Variants in BDH2 observed in about 807,000 individuals in gnomAD.
The protein encoded by BDH2 is 3-hydroxybutyrate dehydrogenase 2.
In BDH2, 24 loss-of-function variants were observed where a neutral mutation model predicts 33.2. The ratio of observed to expected loss-of-function variants is 0.72; its 90% CI spans 0.52 to 1.02. The LOEUF is 1.02. Ranked by LOEUF, BDH2 falls within the 50% of genes least tolerant of loss-of-function variation. The pLI is 0.00. For missense variants in BDH2, 249 were observed against 301.6 expected, an observed-to-expected ratio of 0.83 and a Z score of 1.29; for synonymous variants, 81 against 101.6, an observed-to-expected ratio of 0.80 and a Z score of 1.22.
chr4:103,087,176 T>C (rs554708456), intron 5 of BDH2, among the ~76,000 whole-genome samples: 4 of 152,238 alleles, frequency 2.6e-5, no homozygotes, highest in Admixed American at 2.6e-4. Flanking sequence ...GAGGAGTGGG[T>C]ACACAGGTAT....
In BDH2 at chr4:103,078,743, T is replaced by C. The variant is rs1267587753; in HGVS notation, c.*959A>G. Among the ~76,000 whole-genome samples, 3 of 151,530 alleles carry C rather than the reference T, an allele frequency of 2.0e-5. No individual in the cohort carries two copies. Among genetic ancestry groups the C allele is most frequent in the Non-Finnish European group, 4.4e-5 (3 of 68,030 alleles). ...AGAATTATATAAAAATATTTGAATA[T>C]TGAAAAATGAAGTGGAAATTATTAT... On this transcript the variant is annotated 3_prime_UTR_variant, in exon 10 of 10. Transcript: ENST00000296424.
chr4:103,096,232 A>G lies in BDH2; in HGVS notation c.23T>C (p.Val8Ala). 6.2e-7 allele frequency: 1 copy of G among 1,613,876 alleles called. No homozygotes were observed. Among genetic ancestry groups the G allele is most frequent in the Non-Finnish European group, 8.5e-7 (1 of 1,179,818 alleles). Residue 8 changes from valine to alanine, a missense_variant, in exon 2 of 10, where the codon GTC (valine) becomes GCC (alanine). Val to Ala is a moderately conservative substitution (Grantham distance 64). Coordinates refer to ENST00000296424, the MANE Select transcript of BDH2 (RefSeq NM_020139.4). ...CTGAGCAGCGGCCGTCAGGATGATG[A>G]CTTTCCCATCAAGTCGACCCATAAT... MGRLDGK[V>A]IILTAAAQGI...
At chr4:103,079,905 T>C in intron 9 of BDH2, 150 bp from the exon 10 acceptor site, 4 of 727,668 alleles carry the variant, frequency 5.5e-6, no homozygotes, top group Non-Finnish European at 9.3e-6. Context: ...GAAATCCAAA[T>C]TAACATTTGG....
At chr4:103,086,345 C>A (rs1747779657) in intron 6 of BDH2, 135 bp downstream of exon 6, 3 of 1,362,410 alleles carry the variant, frequency 2.2e-6, no homozygotes, top group African/African-American at 1.5e-5. Flanking sequence ...AACTTAATAC[C>A]AATTTTGAAA....
chr4:103,091,321 C>A, intron 4 of BDH2, 36 bp from the exon 5 acceptor site: 1 of 1,442,168 alleles, frequency 6.9e-7, no homozygotes, highest in South Asian at 1.2e-5. Flanking sequence ...GAATAACTGC[C>A]ATTAAAATTT....
Position 103,078,595 on chromosome 4 carries a change from C to T in BDH2, c.*1107G>A, listed in dbSNP as rs1465220861. Among the ~76,000 whole-genome samples, 1 of 152,094 alleles carries T rather than the reference C, an allele frequency of 6.6e-6. No individual in the cohort carries two copies. Among genetic ancestry groups the T allele is most frequent in the Non-Finnish European group, 1.5e-5 (1 of 68,014 alleles). ...TCATAACATAACAGGTCAACAATAT[C>T]GTTTTGAGGCTGAACTCCTTTACTC... On this transcript the variant is annotated 3_prime_UTR_variant, in exon 10 of 10. Transcript: ENST00000296424.
intron 1 of BDH2, among the ~76,000 whole-genome samples, chr4:103,097,275 T>C (rs187883378): frequency 9.8e-5 from 15 of 152,344 alleles, no homozygotes; most frequent in Non-Finnish European, 1.5e-5. Context: ...GATCCTCTTA[T>C]AAAGTTTAAG....
In BDH2 at chr4:103,079,185, T is replaced by C. The variant is rs1747393070; in HGVS notation, c.*517A>G. On this transcript the variant is annotated 3_prime_UTR_variant, in exon 10 of 10. Coordinates refer to ENST00000296424, the MANE Select transcript of BDH2 (RefSeq NM_020139.4). ...TAATCAGGTCATAAGGGTAGTGCCC[T>C]CATGAACAGGATTAGTGTCCTTATA... Among the ~76,000 whole-genome samples, 1 of 152,178 alleles carries C rather than the reference T, an allele frequency of 6.6e-6. No homozygotes were observed. Among genetic ancestry groups the C allele is most frequent in the Non-Finnish European group, 1.5e-5 (1 of 68,028 alleles).
chr4:103,084,319 T>C (rs565933162), intron 7 of BDH2, among the ~76,000 whole-genome samples: 1 of 152,216 alleles, frequency 6.6e-6, no homozygotes, highest in Non-Finnish European at 1.5e-5. Flanking sequence ...TGGGTTCAGC[T>C]GTGTCCATGG....
At chr4:103,095,356 T>C in intron 2 of BDH2, 75 bp from the exon 3 acceptor site, 1 of 1,106,280 alleles carries the variant, frequency 9.0e-7, no homozygotes, top group Non-Finnish European at 1.4e-6. Context: ...CATCATGTGG[T>C]CTTTTTCTCC....
intron 5 of BDH2, among the ~76,000 whole-genome samples, chr4:103,087,583 A>G (rs1747857123): frequency 6.6e-6 from 1 of 152,160 alleles, no homozygotes; most frequent in Non-Finnish European, 1.5e-5. Flanking sequence ...TTCCCCCACT[A>G]AAGTGTGAAT....
intron 5 of BDH2, among the ~76,000 whole-genome samples, chr4:103,089,540 A>C (rs2110707297): frequency 6.6e-6 from 1 of 152,302 alleles, no homozygotes; most frequent in African/African-American, 2.4e-5. Flanking sequence ...CAAACTCACT[A>C]GTTTGCAAGT....
chr4:103,091,304 A>G lies in BDH2; in HGVS notation c.249-19T>C, dbSNP rs1311758673. ...GACAAAACTAGAAGAGTGATTAAAC[A>G]ATGGAAGAATAACTGCCATTAAAAT... On this transcript the variant is annotated intron_variant, in intron 4 of 9. Coordinates refer to ENST00000296424, the MANE Select transcript of BDH2 (RefSeq NM_020139.4). 6.5e-7 allele frequency: 1 copy of G among 1,531,596 alleles called. No individual in the cohort carries two copies. Among genetic ancestry groups the G allele is most frequent in the East Asian group, 2.3e-5 (1 of 44,432 alleles). The allele number at this position is 1,531,596 out of a possible 1,614,324, so 94.9% of individuals were successfully genotyped here. A position where few individuals can be genotyped will look rare whatever the true frequency, so the allele number is the denominator to read the frequency against.
In BDH2 at chr4:103,082,166, T is replaced by G. The variant is rs1470085576; in HGVS notation, c.599A>C (p.Asn200Thr). The part of the protein sequence containing the change: ...QARGNPEEAR[N>T]DFLKRQKTGR... Reference sequence around the variant, plus strand: ...CGTCTTTTGTCTCTTCAGGAAATCATTCCGTGCCTGTGACCAGAGACCATA... The same window carrying G: ...CGTCTTTTGTCTCTTCAGGAAATCAGTCCGTGCCTGTGACCAGAGACCATA... The change falls in exon 9 of 10, where the codon AAT (asparagine) becomes ACT (threonine). Residue 200 changes from asparagine (N) to threonine (T), a missense_variant. Coordinates refer to ENST00000296424, the MANE Select transcript of BDH2 (RefSeq NM_020139.4). 5.0e-6 allele frequency: 8 copies of G among 1,613,746 alleles called. No homozygotes were observed. The highest frequency in any genetic ancestry group is 6.8e-6 in the Non-Finnish European group (8 of 1,179,746).
At chr4:103,093,905 G>T (rs952486904) in intron 3 of BDH2, among the ~76,000 whole-genome samples, 3 of 151,930 alleles carry the variant, frequency 2.0e-5, no homozygotes, top group Non-Finnish European at 2.9e-5. Flanking sequence ...CCCCAGTGCA[G>T]CAGCTTTACT....
chr4:103,096,901 G>A (rs951778319), intron 1 of BDH2, among the ~76,000 whole-genome samples: 6 of 152,072 alleles, frequency 3.9e-5, no homozygotes, highest in African/African-American at 1.4e-4. Flanking sequence ...ACAGCCTCTG[G>A]TGCTGAGTTT....
rs754564762 is a variant in BDH2 at position 103,092,742 on chromosome 4, TGAAG to T, written c.152-50_152-47del. 121 of 1,399,896 alleles carry T rather than the reference TGAAG, an allele frequency of 8.6e-5. No individual in the cohort carries two copies. In the Admixed American group the frequency reaches 2.1e-3, roughly 24 times the overall value. 86.7% of individuals were successfully genotyped at this position (1,399,896 alleles called of 1,614,324 possible). A position where few individuals can be genotyped will look rare whatever the true frequency, so the allele number is the denominator to read the frequency against. On this transcript the variant is annotated intron_variant, in intron 3 of 9. Transcript: ENST00000296424. Reference sequence around the variant, plus strand: ...CACTATTCCTAAAAATGTTTAGCCTTGAAGGTTTAGCTGTTTTGAAGTGTGAAGT... The same window carrying T: ...CACTATTCCTAAAAATGTTTAGCCTTGTTTAGCTGTTTTGAAGTGTGAAGT...
chr4:103,089,102 C>T (rs1747946240), intron 5 of BDH2, among the ~76,000 whole-genome samples: 1 of 152,176 alleles, frequency 6.6e-6, no homozygotes, highest in African/African-American at 2.4e-5. Context: ...TAAAAATTTC[C>T]TATGAGTGTT....
At chr4:103,090,113 T>C (rs1249159716) in intron 5 of BDH2, among the ~76,000 whole-genome samples, 1 of 152,192 alleles carries the variant, frequency 6.6e-6, no homozygotes, top group African/African-American at 2.4e-5. Flanking sequence ...AAGGGAAAAG[T>C]TGTTCTTCTG....
Sources: allele counts gnomAD v4.1 joint callset (sites outside exome capture counted in the v4.1 genomes callset), GRCh38; gene constraint gnomAD v4.1.1; transcripts MANE v1.5; gene names NCBI Gene and HGNC (gene_info 2026-07-23, HGNC 2026-07-21).